The following GKAP1 variants were observed in gnomAD, a reference collection of about 807,000 sequenced individuals.
GKAP1 encodes G kinase-anchoring protein 1.
Under a neutral mutation model 56.7 loss-of-function variants are expected in GKAP1, and 31 were observed. The observed-to-expected ratio is 0.55, with a 90% CI of 0.41 to 0.74. The LOEUF (loss-of-function observed/expected upper bound fraction) is 0.74. GKAP1 is among the 30% of genes least tolerant of loss of function. The pLI is 0.00. For missense variants in GKAP1, 364 were observed against 402.3 expected (o/e 0.90, Z 0.82); for synonymous variants, 151 against 138.6 (o/e 1.09, Z -0.63).
Position 83,784,839 on chromosome 9 carries a change from C to G in GKAP1, c.439-1G>C, listed in dbSNP as rs1311671491. 2 of 1,552,430 alleles carry G rather than the reference C, an allele frequency of 1.3e-6. No individual in the cohort carries two copies. Among genetic ancestry groups the G allele is most frequent in the African/African-American group, 2.8e-5 (2 of 72,098 alleles). ...AAGTATTTTCAGCATCTTCATACTC[C>G]TAAAAAGAATTACCAACAACAATTA... On this transcript the variant is annotated splice_acceptor_variant, in intron 5 of 12. Transcript: ENST00000376371. LOFTEE classifies it high-confidence loss of function.
intron 8 of GKAP1, among the ~76,000 whole-genome samples, chr9:83,768,386 C>T (rs1464403394): frequency 5.9e-5 from 9 of 152,170 alleles, no homozygotes. Flanking sequence ...CCACAATTCA[C>T]CCAAGCAGTG....
At chr9:83,752,328 A>C (rs2131240435) in intron 9 of GKAP1, among the ~76,000 whole-genome samples, 1 of 152,272 alleles carries the variant, frequency 6.6e-6, no homozygotes, top group East Asian at 1.9e-4. Context: ...AGGCAGGAGA[A>C]GTGCTTGAAC....
chr9:83,748,398 GT>G, intron 9 of GKAP1, 26 bp from the exon 10 acceptor site: 4 of 1,363,732 alleles, frequency 2.9e-6, no homozygotes, highest in Non-Finnish European at 4.1e-6. Flanking sequence ...AAAAGATTTA[GT>G]TTTTTTAAAA....
intron 2 of GKAP1, among the ~76,000 whole-genome samples, chr9:83,808,528 T>C (rs906027682): frequency 4.6e-5 from 7 of 152,190 alleles, no homozygotes; most frequent in African/African-American, 1.4e-4. Flanking sequence ...ATCCAGGAAG[T>C]AGAGATTGCA....
intron 8 of GKAP1, among the ~76,000 whole-genome samples, chr9:83,755,233 G>A (rs1161182398): frequency 1.1e-4 from 16 of 152,106 alleles, no homozygotes; most frequent in Admixed American, 1.0e-3. Flanking sequence ...CTGGACATCA[G>A]TTTAAATGCC....
chr9:83,771,738 T>C (rs1364438124), intron 7 of GKAP1, among the ~76,000 whole-genome samples: 3 of 152,236 alleles, frequency 2.0e-5, no homozygotes, highest in African/African-American at 7.2e-5. Flanking sequence ...ATAGTTCCAG[T>C]ATATTCTTGT....
At chr9:83,804,286 TGGGA>T (rs1232014397) in intron 3 of GKAP1, among the ~76,000 whole-genome samples, 1 of 89,228 alleles carries the variant, frequency 1.1e-5, no homozygotes, top group African/African-American at 4.4e-5. Context: ...CCGCCCCATC[TGGGA>T]GGGAGGTGGG....
intron 5 of GKAP1, among the ~76,000 whole-genome samples, chr9:83,785,904 G>A (rs1216929849): frequency 6.6e-6 from 1 of 152,170 alleles, no homozygotes; most frequent in East Asian, 1.9e-4. Context: ...CCTTCTGGCT[G>A]TATCTCCAGA....
intron 6 of GKAP1, among the ~76,000 whole-genome samples, chr9:83,780,667 T>C (rs563454822): frequency 2.0e-5 from 3 of 152,172 alleles, no homozygotes; most frequent in Admixed American, 2.0e-4. Flanking sequence ...AGGGATATTA[T>C]TGCATTTTAA....
Position 83,751,777 on chromosome 9 carries a change from T to C in GKAP1, c.840+1481A>G, listed in dbSNP as rs550638499. Among the ~76,000 whole-genome samples the C allele has an allele frequency of 2.1e-3, 315 of 149,780 alleles. 10 individuals are homozygous for C. The South Asian group carries it at 0.047, about 23-fold the overall frequency. On this transcript the variant is annotated intron_variant, in intron 9 of 12. Transcript: ENST00000376371. ...AAAATAGATTAAAAAAAAAAAAACC[T>C]AAGGGGAGAGGTAAGATTTGTAGTT...
intron 8 of GKAP1, among the ~76,000 whole-genome samples, chr9:83,764,998 T>C (rs571224408): frequency 2.0e-5 from 3 of 151,944 alleles, no homozygotes; most frequent in Admixed American, 6.6e-5. Flanking sequence ...ACCAAGACAA[T>C]GGGGAAAATG....
chr9:83,782,938 AG>A (rs201984253), intron 6 of GKAP1, among the ~76,000 whole-genome samples: 3,000 of 152,222 alleles, frequency 0.02, 51 homozygotes, highest in Middle Eastern at 0.041. Flanking sequence ...GCAAAGTGCT[AG>A]GATTACAGGC....
intron 12 of GKAP1, among the ~76,000 whole-genome samples, chr9:83,740,434 G>C (rs62561874): frequency 0.18 from 26,590 of 151,834 alleles, 2,893 homozygotes; most frequent in Non-Finnish European, 0.24. Flanking sequence ...ATAGAAATAT[G>C]GAAAGTACAA....
intron 12 of GKAP1, among the ~76,000 whole-genome samples, chr9:83,740,080 A>G (rs1943181428): frequency 6.6e-6 from 1 of 152,202 alleles, no homozygotes; most frequent in Non-Finnish European, 1.5e-5. Flanking sequence ...CAGTACACTT[A>G]AATTTGTTCC....
intron 2 of GKAP1, among the ~76,000 whole-genome samples, chr9:83,816,192 G>GAA (rs990557487): frequency 7.1e-6 from 1 of 141,232 alleles, no homozygotes; most frequent in Non-Finnish European, 1.6e-5. Context: ...TCCGCCTCAA[G>GAA]AAAAAAAAAA....
chr9:83,804,398 G>T (rs1307344515), intron 3 of GKAP1, among the ~76,000 whole-genome samples: 19 of 139,738 alleles, frequency 1.4e-4, no homozygotes, highest in Admixed American at 3.5e-4. Flanking sequence ...AGGGAGGTGG[G>T]GGGGGTCAGC....
chr9:83,791,209 T>C (rs1944152617), intron 4 of GKAP1, among the ~76,000 whole-genome samples: 1 of 152,120 alleles, frequency 6.6e-6, no homozygotes, highest in Non-Finnish European at 1.5e-5. Context: ...AAGACCATCC[T>C]GGCTAACACG....
intron 7 of GKAP1, 102 bp downstream of exon 7, chr9:83,780,280 C>T: frequency 1.4e-6 from 1 of 703,888 alleles, no homozygotes; most frequent in Admixed American, 2.8e-5. Flanking sequence ...TATGGGTTGT[C>T]CTTTAAATGA....
rs112026519 is a variant in GKAP1, at chr9:83,796,054, G to A, written c.360+3131C>T. 8.6e-5 allele frequency among the ~76,000 whole-genome samples: 13 copies of A among 152,018 alleles called. 1 individual carries two copies. Among genetic ancestry groups the A allele is most frequent in the African/African-American group, 2.9e-4 (12 of 41,472 alleles). On this transcript the variant is annotated intron_variant, in intron 4 of 12. Coordinates refer to ENST00000376371, the MANE Select transcript of GKAP1 (RefSeq NM_025211.4). ...AAAATTAGAATCTAATTCTTAAAAC[G>A]CTTAAATTTGGTGTTCTTTTCAAGC...
Sources: gnomAD v4.1 joint callset for allele counts (sites outside exome capture counted in the v4.1 genomes callset) on GRCh38, gnomAD v4.1.1 for gene constraint, MANE v1.5 for transcripts, NCBI Gene and HGNC (gene_info 2026-07-23, HGNC 2026-07-21) for gene names.